The following HS2ST1 variants were observed in gnomAD, a reference collection of about 807,000 sequenced individuals.
HS2ST1 encodes 2-O-sulfotransferase.
In HS2ST1, 18 loss-of-function variants were observed where a neutral mutation model predicts 42.9. The observed-to-expected ratio is 0.42, with a 90% CI of 0.29 to 0.62. The LOEUF (loss-of-function observed/expected upper bound fraction) is 0.62. HS2ST1 is among the 20% of genes least tolerant of loss of function. The probability of loss-of-function intolerance (pLI) is 0.21; values close to 1 mark genes in which losing one functional copy is unlikely to be tolerated. For missense variants in HS2ST1, 334 were observed against 433.8 expected, an observed-to-expected ratio of 0.77 and a Z score of 2.04; for synonymous variants, 146 against 152.9, an observed-to-expected ratio of 0.95 and a Z score of 0.33.
intron 1 of HS2ST1, chr1:87,046,446 A>T: frequency 2.1e-6 from 2 of 953,558 alleles, no homozygotes. Flanking sequence ...TCTAATAAAG[A>T]AGGTGACATT....
intron 1 of HS2ST1, 68 bp downstream of exon 1, chr1:86,915,228 A>G: frequency 6.5e-7 from 1 of 1,538,270 alleles, no homozygotes; most frequent in Non-Finnish European, 8.8e-7. Context: ...CGCCGGAGCA[A>G]GTGGGCGTTC....
At chr1:86,950,863 T>G (rs1400923356) in intron 1 of HS2ST1, among the ~76,000 whole-genome samples, 2 of 152,170 alleles carry the variant, frequency 1.3e-5, no homozygotes, top group Non-Finnish European at 2.9e-5. Flanking sequence ...AAATGACCTC[T>G]TTATGCTGTC....
intron 1 of HS2ST1, among the ~76,000 whole-genome samples, chr1:86,985,850 T>C (rs1345515415): frequency 6.6e-6 from 1 of 152,114 alleles, no homozygotes; most frequent in Non-Finnish European, 1.5e-5. Flanking sequence ...AAAATTTTAA[T>C]CTACAGCAAC....
intron 1 of HS2ST1, among the ~76,000 whole-genome samples, chr1:87,044,760 T>G (rs1650604086): frequency 6.6e-6 from 1 of 152,242 alleles, no homozygotes; most frequent in South Asian, 2.1e-4. Context: ...TATAGCATAC[T>G]GCAGTGTGTC....
intron 1 of HS2ST1, among the ~76,000 whole-genome samples, chr1:86,962,247 G>C (rs1647869183): frequency 6.6e-6 from 1 of 152,142 alleles, no homozygotes; most frequent in Non-Finnish European, 1.5e-5. Context: ...TTTTGTTGTG[G>C]AATTACAAAA....
At chr1:86,996,334 C>T (rs777896762) in intron 1 of HS2ST1, among the ~76,000 whole-genome samples, 4 of 150,864 alleles carry the variant, frequency 2.7e-5, no homozygotes, top group African/African-American at 4.9e-5. Flanking sequence ...CCCAGCTACT[C>T]GGGAGGCTGA....
intron 2 of HS2ST1, among the ~76,000 whole-genome samples, chr1:87,078,406 C>A (rs1651599974): frequency 6.6e-6 from 1 of 152,158 alleles, no homozygotes; most frequent in Non-Finnish European, 1.5e-5. Context: ...TTATTACTTG[C>A]TAGCCTGACT....
At chr1:86,955,270 C>G (rs1416352687) in intron 1 of HS2ST1, among the ~76,000 whole-genome samples, 1 of 151,964 alleles carries the variant, frequency 6.6e-6, no homozygotes, top group South Asian at 2.1e-4. Context: ...TGTAGGAGTC[C>G]CCAACCCTGG....
chr1:87,101,149 GTTTT>G (rs1177785858), intron 5 of HS2ST1, among the ~76,000 whole-genome samples: 2 of 59,540 alleles, frequency 3.4e-5, no homozygotes, highest in African/African-American at 6.5e-5. Flanking sequence ...GTGTGTGTGT[GTTTT>G]TTGTTTTTTT....
chr1:87,075,928 T>G lies in HS2ST1; in HGVS notation c.363+2756T>G, dbSNP rs1651532300. Among the ~76,000 whole-genome samples, 4 of 152,308 alleles carry G rather than the reference T, an allele frequency of 2.6e-5. No individual in the cohort carries two copies. In the South Asian group the frequency reaches 8.3e-4, roughly 32 times the overall value. On this transcript the variant is annotated intron_variant, in intron 2 of 6. Coordinates refer to ENST00000370550, the MANE Select transcript of HS2ST1 (RefSeq NM_012262.4). ...TATGTAATATACACAAAGGTTGTAC[T>G]ACATTCTTTGGGGAAATAACAAAGA...
At chr1:86,987,310 G>A (rs906579184) in intron 1 of HS2ST1, among the ~76,000 whole-genome samples, 6 of 151,992 alleles carry the variant, frequency 3.9e-5, no homozygotes, top group African/African-American at 1.5e-4. Flanking sequence ...TCCCGACTTC[G>A]TGATCCGTAT....
At chr1:87,075,716 C>T (rs1339059031) in intron 2 of HS2ST1, among the ~76,000 whole-genome samples, 3 of 152,086 alleles carry the variant, frequency 2.0e-5, no homozygotes, top group Non-Finnish European at 4.4e-5. Flanking sequence ...ATTTTTTGTA[C>T]ATACTATATT....
chr1:87,006,607 A>G (rs1255900382), intron 1 of HS2ST1, among the ~76,000 whole-genome samples: 1 of 152,166 alleles, frequency 6.6e-6, no homozygotes, highest in African/African-American at 2.4e-5. Flanking sequence ...GAAAATTCTG[A>G]ATGAAATAAA....
chr1:86,967,295 T>C (rs1648076865), intron 1 of HS2ST1, among the ~76,000 whole-genome samples: 1 of 152,238 alleles, frequency 6.6e-6, no homozygotes, highest in African/African-American at 2.4e-5. Context: ...TTCTTATTTT[T>C]TAATTTTTAA....
At chr1:87,058,125 G>C (rs1009618995) in intron 1 of HS2ST1, among the ~76,000 whole-genome samples, 2 of 151,622 alleles carry the variant, frequency 1.3e-5, no homozygotes, top group African/African-American at 2.4e-5. Context: ...TTATCTCAGG[G>C]TTATGCAATC....
At chr1:87,074,639 G>T (rs537648435) in intron 2 of HS2ST1, among the ~76,000 whole-genome samples, 4 of 151,980 alleles carry the variant, frequency 2.6e-5, no homozygotes, top group Non-Finnish European at 4.4e-5. Context: ...AGTTGCATTT[G>T]GATGAGATAA....
chr1:87,085,987 T>G (rs1252843141), intron 3 of HS2ST1, among the ~76,000 whole-genome samples: 2 of 152,180 alleles, frequency 1.3e-5, no homozygotes, highest in African/African-American at 4.8e-5. Flanking sequence ...ATTGTGAAAA[T>G]TTTTCATAGA....
rs542397640 is a variant in HS2ST1 at position 86,954,037 on chromosome 1, T to C, written c.124+38877T>C. Reference sequence around the variant, plus strand: ...TAGTAATAACAAACATCACTGTTTTTTTTAAAAAAAAAAAAAAAAAAAAAA... The same window carrying C: ...TAGTAATAACAAACATCACTGTTTTCTTTAAAAAAAAAAAAAAAAAAAAAA... On this transcript the variant is annotated intron_variant, in intron 1 of 6. Transcript: ENST00000370550. Among the ~76,000 whole-genome samples the C allele has an allele frequency of 3.5e-4, 45 of 129,906 alleles. No individual in the cohort carries two copies. In the South Asian group the frequency reaches 0.01, roughly 30 times the overall value. 85.2% of individuals were successfully genotyped at this position (129,906 alleles called of 152,430 possible).
At chr1:86,978,132 A>G (rs1481841828) in intron 1 of HS2ST1, among the ~76,000 whole-genome samples, 3 of 152,214 alleles carry the variant, frequency 2.0e-5, no homozygotes, top group African/African-American at 4.8e-5. Context: ...CCTATAAGCA[A>G]TAGGCTATAG....
Sources: gnomAD v4.1 joint callset for allele counts (sites outside exome capture counted in the v4.1 genomes callset) on GRCh38, gnomAD v4.1.1 for gene constraint, MANE v1.5 for transcripts, NCBI Gene and HGNC (gene_info 2026-07-23, HGNC 2026-07-21) for gene names.